The following PLTP variants were observed in gnomAD, a reference collection of about 807,000 sequenced individuals.
PLTP encodes the protein phospholipid transfer protein.
In PLTP, 43 loss-of-function variants were observed where a neutral mutation model predicts 54.1. The ratio of observed to expected loss-of-function variants is 0.79; its 90% CI spans 0.62 to 1.02. The LOEUF is 1.02. Ranked by LOEUF, PLTP falls within the 50% of genes least tolerant of loss-of-function variation. The pLI, the probability that PLTP is intolerant of heterozygous loss-of-function variation, is 0.00. For missense variants in PLTP, 604 were observed against 645.9 expected (o/e 0.94, Z 0.70); for synonymous variants, 263 against 264.6 (o/e 0.99, Z 0.06).
chr20:45,909,065 A>G (rs889494446), intron 5 of PLTP, among the ~76,000 whole-genome samples: 2 of 150,698 alleles, frequency 1.3e-5, no homozygotes, highest in Non-Finnish European at 2.9e-5. Flanking sequence ...CCCGGGTTCA[A>G]GCGATTCTCC....
Position 45,899,622 on chromosome 20 carries a change from C to T in PLTP, c.1282G>A (p.Glu428Lys), listed in dbSNP as rs1337344818. The change falls in exon 14 of 16, where the codon GAG becomes AAG. Residue 428 changes from glutamate (E) to lysine (K), a missense_variant and splice_region_variant. By Grantham distance (56) the Glu-to-Lys change is moderately conservative. Coordinates refer to ENST00000372431, the MANE Select transcript of PLTP (RefSeq NM_006227.4). ...LQIGVMPMLN[E>K]RTWRGVQIPL... ...CTCCATCCTCACACCCCAGCCTTAC[C>T]ATTGAGCATGGGCATCACCCCAATC... 6.2e-7 allele frequency: 1 copy of T among 1,614,032 alleles called. No homozygotes were observed. The highest frequency in any genetic ancestry group is 8.5e-7 in the Non-Finnish European group (1 of 1,180,010).
At position 45,907,284 on chromosome 20, in the gene PLTP, G is replaced by A. The variant is rs184791147; in HGVS notation, c.613+408C>T. ...GGAGATTGCAGTGAGCTGAGATCGC[G>A]CCACTGGACTCCAGCCTGGCAACAG... On this transcript the variant is annotated intron_variant, in intron 7 of 15. Coordinates refer to ENST00000372431, the MANE Select transcript of PLTP (RefSeq NM_006227.4). 2.5e-3 allele frequency among the ~76,000 whole-genome samples: 366 copies of A among 149,118 alleles called. 1 individual carries two copies. Among genetic ancestry groups the A allele is most frequent in the African/African-American group, 8.6e-3 (347 of 40,262 alleles).
intron 12 of PLTP, 39 bp from the exon 13 acceptor site, chr20:45,899,917 G>T: frequency 6.5e-7 from 1 of 1,542,488 alleles, no homozygotes; most frequent in Non-Finnish European, 8.8e-7. Context: ...AGGAAGCCTG[G>T]AAGCTCCCCT....
At chr20:45,911,129 G>T (rs530288263) in intron 3 of PLTP, 23 bp downstream of exon 3, 1 of 1,610,934 alleles carries the variant, frequency 6.2e-7, no homozygotes, top group African/African-American at 1.3e-5. Flanking sequence ...GCCCCGGATC[G>T]CGAGGCCCCG....
chr20:45,911,511 A>G, intron 1 of PLTP, 48 bp from the exon 2 acceptor site: 1 of 1,597,526 alleles, frequency 6.3e-7, no homozygotes, highest in Non-Finnish European at 8.5e-7. Flanking sequence ...GCTTAAACCC[A>G]TTCCTTGGAC....
intron 7 of PLTP, among the ~76,000 whole-genome samples, chr20:45,907,282 G>A (rs1270857173): frequency 1.3e-5 from 2 of 150,278 alleles, no homozygotes; most frequent in Admixed American, 6.7e-5. Context: ...AGCTGAGATC[G>A]CGCCACTGGA....
chr20:45,911,222 G>C lies in PLTP; in HGVS notation c.130C>G (p.Gln44Glu). The C allele has an allele frequency of 3.1e-6, 5 of 1,614,120 alleles. No homozygotes were observed. The highest frequency in any genetic ancestry group is 4.2e-6 in the Non-Finnish European group (5 of 1,180,002). ...GGAATGGTGATAGTCTCCAGCTCTTGCTCCAGAAAGCGCAGCCCCTCCTGC... is the reference window on the plus strand; with the variant it reads ...GGAATGGTGATAGTCTCCAGCTCTTCCTCCAGAAAGCGCAGCCCCTCCTGC... ...VKQEGLRFLE[Q>E]ELETITIPDL... Residue 44 changes from glutamine to glutamate, a missense_variant, in exon 3 of 16, where the codon CAA becomes GAA. Physicochemically the swap from Gln to Glu is conservative, Grantham distance 29 (BLOSUM62 2). Coordinates refer to ENST00000372431, the MANE Select transcript of PLTP (RefSeq NM_006227.4).
At chr20:45,907,332 C>CAA (rs201245712) in intron 7 of PLTP, among the ~76,000 whole-genome samples, 4 of 99,586 alleles carry the variant, frequency 4.0e-5, no homozygotes, top group African/African-American at 1.1e-4. Flanking sequence ...AGACTCCGTG[C>CAA]AAAAAAAAAA....
intron 7 of PLTP, among the ~76,000 whole-genome samples, chr20:45,907,339 AAAAAAAAAAG>A (rs2083249903): frequency 6.6e-6 from 1 of 151,922 alleles, no homozygotes; most frequent in Non-Finnish European, 1.5e-5. Context: ...GTGCAAAAAA[AAAAAAAAAAG>A]AAAGAAAAAG....
intron 8 of PLTP, 31 bp from the exon 9 acceptor site, chr20:45,905,149 G>A: frequency 6.2e-7 from 1 of 1,604,634 alleles, no homozygotes; most frequent in Non-Finnish European, 8.5e-7. Context: ...TCAGGGTCAA[G>A]GCAGACTGGC....
At chr20:45,903,357 G>A (rs1053091951) in intron 10 of PLTP, among the ~76,000 whole-genome samples, 3 of 152,238 alleles carry the variant, frequency 2.0e-5, no homozygotes, top group Middle Eastern at 3.4e-3. Flanking sequence ...ATGCCATCAC[G>A]CCTGGCTTAT....
chr20:45,898,846 GT>G lies in PLTP; in HGVS notation c.*94del. 7.2e-7 allele frequency: 1 copy of G among 1,395,066 alleles called. No individual in the cohort carries two copies. The highest frequency in any genetic ancestry group is 9.9e-7 in the Non-Finnish European group (1 of 1,014,952). 86.4% of individuals were successfully genotyped at this position (1,395,066 alleles called of 1,614,324 possible). A position where few individuals can be genotyped will look rare whatever the true frequency, so the allele number is the denominator to read the frequency against. ...TCCCGTCTTCTCTGTGGCACTGGGG[GT>G]TAGAGGGGGCACTACAGGCTATGAA... On this transcript the variant is annotated 3_prime_UTR_variant, in exon 16 of 16. Coordinates refer to ENST00000372431, the MANE Select transcript of PLTP (RefSeq NM_006227.4). The surrounding 1 kb of genome is among the most constrained non-coding windows in gnomAD (Gnocchi z 4.6).
chr20:45,899,428 GCCCT>G, intron 15 of PLTP, 30 bp downstream of exon 15: 1 of 1,597,234 alleles, frequency 6.3e-7, no homozygotes, highest in Non-Finnish European at 8.6e-7. Flanking sequence ...AGAGGGGAAG[GCCCT>G]CCCTCCTTCC....
In PLTP at chr20:45,899,452, C is replaced by G; in HGVS notation, c.1359+10G>C. The G allele has an allele frequency of 6.2e-7, 1 of 1,613,860 alleles. No homozygotes were observed. The highest frequency in any genetic ancestry group is 8.5e-7 in the Non-Finnish European group (1 of 1,179,862). On this transcript the variant is annotated intron_variant, in intron 15 of 15. Transcript: ENST00000372431. ...GGCCCTCCCTCCTTCCCCATCCTGCCCCCACTCACCGCATGGTTCGTCACC... is the reference window on the plus strand; with the variant it reads ...GGCCCTCCCTCCTTCCCCATCCTGCGCCCACTCACCGCATGGTTCGTCACC...
chr20:45,904,990 C>G lies in PLTP; in HGVS notation c.834G>C (p.Glu278Asp). 1 of 1,614,266 alleles carries G rather than the reference C, an allele frequency of 6.2e-7. No homozygotes were observed. The highest frequency in any genetic ancestry group is 8.5e-7 in the Non-Finnish European group (1 of 1,180,048). The change falls in exon 9 of 16, where the codon GAG (glutamate) becomes GAC (aspartate). Residue 278 changes from glutamate (E) to aspartate (D), a missense_variant. Glu to Asp is a conservative substitution (Grantham distance 45). Coordinates refer to ENST00000372431, the MANE Select transcript of PLTP (RefSeq NM_006227.4). Reference protein sequence around the residue: ...FSEFFFDSAMESYFRAGALQL... With the variant: ...FSEFFFDSAMDSYFRAGALQL... ...GCAGGGCCCCCGCCCGGAAGTAGCT[C>G]TCCATGGCAGAGTCGAAGAAGAACT... is the stretch of plus-strand genomic sequence containing the variant.
At chr20:45,904,761 T>C (rs2083222578) in intron 10 of PLTP, 39 bp downstream of exon 10, 1 of 1,598,718 alleles carries the variant, frequency 6.3e-7, no homozygotes, top group Admixed American at 1.7e-5. Flanking sequence ...GTCTCACTGG[T>C]GTGCAGGTGG....
intron 4 of PLTP, 114 bp downstream of exon 4, chr20:45,909,828 T>C: frequency 6.8e-7 from 1 of 1,473,882 alleles, no homozygotes; most frequent in Non-Finnish European, 9.5e-7. Flanking sequence ...CTGTTTCTGT[T>C]ACACAGATGA....
intron 1 of PLTP, chr20:45,911,748 G>C: frequency 1.9e-6 from 1 of 518,876 alleles, no homozygotes; most frequent in Non-Finnish European, 3.5e-6. Context: ...CAGGGGACCA[G>C]CCCCCACACC....
Position 45,911,250 on chromosome 20 carries a change from C to T in PLTP, c.102G>A (p.Val34=). 6.2e-7 allele frequency: 1 copy of T among 1,614,152 alleles called. No individual in the cohort carries two copies. Among genetic ancestry groups the T allele is most frequent in the Non-Finnish European group, 8.5e-7 (1 of 1,179,966 alleles). Residue 34 remains valine (V), a splice_region_variant and synonymous_variant, in exon 3 of 16, where the codon GTG becomes GTA. Transcript: ENST00000372431. ...IRVTSKALEL[V]KQEGLRFLEQ... ...CCAGAAAGCGCAGCCCCTCCTGCTT[C>T]ACTGAAGCAGCAGAGAAACCCTTAC...
Sources: gnomAD v4.1 joint callset for allele counts (sites outside exome capture counted in the v4.1 genomes callset) on GRCh38, gnomAD v4.1.1 for gene constraint, Gnocchi (gnomAD v3.1) non-coding constraint, MANE v1.5 for transcripts, NCBI Gene and HGNC (gene_info 2026-07-23, HGNC 2026-07-21) for gene names.